Variants in LIN54 observed in about 807,000 individuals in gnomAD.
LIN54 encodes the protein lin-54 DREAM MuvB core complex component.
Under a neutral mutation model 78.7 loss-of-function variants are expected in LIN54, and 9 were observed. The observed-to-expected ratio is 0.11, with a 90% CI of 0.07 to 0.20. The LOEUF (loss-of-function observed/expected upper bound fraction) is 0.20, where lower values mean the gene tolerates loss of function less well. LIN54 is among the 10% of genes least tolerant of loss of function. LIN54 has a pLI of 1.00. For missense variants in LIN54, 573 were observed against 889.9 expected (o/e 0.64, Z 4.53); for synonymous variants, 269 against 318.4 (o/e 0.84, Z 1.65).
intron 1 of LIN54, among the ~76,000 whole-genome samples, chr4:83,000,137 T>C (rs1728629871): frequency 6.6e-6 from 1 of 152,096 alleles, no homozygotes; most frequent in African/African-American, 2.4e-5. Flanking sequence ...CAAGTGATCC[T>C]CCTGCCTCAG....
chr4:82,997,193 T>G (rs1728297849), intron 1 of LIN54, among the ~76,000 whole-genome samples: 1 of 152,090 alleles, frequency 6.6e-6, no homozygotes, highest in South Asian at 2.1e-4. Flanking sequence ...TCACCTAAAC[T>G]GTAGAATTAT....
chr4:82,959,624 A>T (rs778703426), intron 4 of LIN54, among the ~76,000 whole-genome samples: 1 of 152,194 alleles, frequency 6.6e-6, no homozygotes, highest in Non-Finnish European at 1.5e-5. Flanking sequence ...TGGAAATAAC[A>T]ATTTGTACAA....
intron 3 of LIN54, among the ~76,000 whole-genome samples, chr4:82,978,623 T>C (rs1257902451): frequency 2.0e-5 from 3 of 152,326 alleles, no homozygotes; most frequent in East Asian, 3.9e-4. Flanking sequence ...GAACACTGTA[T>C]AAATATTAGC....
chr4:82,977,553 A>G lies in LIN54; in HGVS notation c.808+1330T>C, dbSNP rs561290567. Among the ~76,000 whole-genome samples the G allele has an allele frequency of 1.6e-4, 25 of 152,312 alleles. No homozygotes were observed. The South Asian group carries it at 3.9e-3, about 24-fold the overall frequency. On this transcript the variant is annotated intron_variant, in intron 3 of 12. Transcript: ENST00000340417. Reference sequence around the variant, plus strand: ...GAGAAGCCTCTCTACATACAAATACAAATCAAGCCTACATACAAATCAAAG... The same window carrying G: ...GAGAAGCCTCTCTACATACAAATACGAATCAAGCCTACATACAAATCAAAG...
intron 1 of LIN54, among the ~76,000 whole-genome samples, chr4:82,986,888 T>C (rs1727195712): frequency 2.0e-5 from 3 of 152,152 alleles, no homozygotes. Flanking sequence ...GGAATCATCA[T>C]TATCCCTGTT....
At chr4:82,999,133 G>A (rs534899998) in intron 1 of LIN54, among the ~76,000 whole-genome samples, 1 of 152,222 alleles carries the variant, frequency 6.6e-6, no homozygotes, top group South Asian at 2.1e-4. Flanking sequence ...ATTGTGTATT[G>A]CAGTAAAAGG....
intron 3 of LIN54, among the ~76,000 whole-genome samples, chr4:82,978,386 G>A (rs1045199952): frequency 2.0e-5 from 3 of 152,156 alleles, no homozygotes; most frequent in Non-Finnish European, 4.4e-5. Flanking sequence ...CAGAAACCAT[G>A]AAATACTATA....
chr4:82,957,406 T>G (rs1724416944), intron 4 of LIN54, among the ~76,000 whole-genome samples: 1 of 145,898 alleles, frequency 6.9e-6, no homozygotes, highest in African/African-American at 2.5e-5. Context: ...TTATTAAATC[T>G]CTTGTCTCAG....
chr4:82,949,901 A>C (rs1201075696), intron 4 of LIN54, among the ~76,000 whole-genome samples: 1 of 138,068 alleles, frequency 7.2e-6, no homozygotes, highest in African/African-American at 2.7e-5. Context: ...GCTGGAGTGC[A>C]GTGGCATGAT....
At chr4:82,995,355 A>T (rs922962833) in intron 1 of LIN54, among the ~76,000 whole-genome samples, 1 of 150,900 alleles carries the variant, frequency 6.6e-6, no homozygotes, top group African/African-American at 2.4e-5. Flanking sequence ...TTTAAATTTA[A>T]TTTTTTTTTA....
At chr4:82,987,615 G>C (rs1284052654) in intron 1 of LIN54, among the ~76,000 whole-genome samples, 1 of 151,936 alleles carries the variant, frequency 6.6e-6, no homozygotes, top group Non-Finnish European at 1.5e-5. Context: ...CCACTTATAA[G>C]TGAGAACATG....
chr4:82,959,321 G>A (rs567366428), intron 4 of LIN54, among the ~76,000 whole-genome samples: 10 of 151,952 alleles, frequency 6.6e-5, no homozygotes, highest in Non-Finnish European at 1.3e-4. Context: ...TCACATGACC[G>A]AGATTCCAAA....
intron 4 of LIN54, among the ~76,000 whole-genome samples, chr4:82,963,002 A>G (rs1376740205): frequency 6.6e-6 from 1 of 152,074 alleles, no homozygotes; most frequent in Non-Finnish European, 1.5e-5. Flanking sequence ...CAGAATATAT[A>G]TTTAAAAAAG....
intron 1 of LIN54, among the ~76,000 whole-genome samples, chr4:82,995,684 G>A (rs13134848): frequency 1 from 150,644 of 151,272 alleles, 75,010 homozygotes; most frequent in Middle Eastern, 1. Context: ...TTTAGTAAAG[G>A]CAGGGTTTTA....
chr4:82,953,646 T>C (rs980977071), intron 4 of LIN54, among the ~76,000 whole-genome samples: 2 of 152,018 alleles, frequency 1.3e-5, no homozygotes, highest in Non-Finnish European at 2.9e-5. Context: ...CAAGCTAAGT[T>C]ATGAAAATCA....
At chr4:82,938,616 A>G (rs1722595171) in intron 7 of LIN54, 112 bp from the exon 8 acceptor site, 3 of 639,928 alleles carry the variant, frequency 4.7e-6, no homozygotes, top group South Asian at 1.9e-5. Context: ...GAAAAACACA[A>G]TGGAGAATAT....
chr4:82,932,399 G>A (rs969368640), intron 11 of LIN54, among the ~76,000 whole-genome samples: 2 of 151,240 alleles, frequency 1.3e-5, no homozygotes, highest in Non-Finnish European at 3.0e-5. Context: ...CCTGGCCTGT[G>A]TATTTGAATT....
At chr4:82,983,844 C>T (rs72925282) in intron 2 of LIN54, among the ~76,000 whole-genome samples, 1 of 152,000 alleles carries the variant, frequency 6.6e-6, no homozygotes, top group Non-Finnish European at 1.5e-5. Flanking sequence ...GCAAGTCTGG[C>T]ATATTTATAC....
intron 3 of LIN54, among the ~76,000 whole-genome samples, chr4:82,975,235 G>A (rs1726067530): frequency 6.6e-6 from 1 of 150,660 alleles, no homozygotes; most frequent in Non-Finnish European, 1.5e-5. Flanking sequence ...GAGTGTGCCT[G>A]TAGTCTCAGC....
Sources: allele counts gnomAD v4.1 joint callset (sites outside exome capture counted in the v4.1 genomes callset), GRCh38; gene constraint gnomAD v4.1.1; transcripts MANE v1.5; gene names NCBI Gene and HGNC (gene_info 2026-07-23, HGNC 2026-07-21).